The following LYN variants were observed in gnomAD, a reference collection of about 807,000 sequenced individuals.
The protein encoded by LYN is LYN proto-oncogene, Src family tyrosine kinase, also known as tyrosine-protein kinase Lyn.
Under a neutral mutation model 65.0 loss-of-function variants are expected in LYN, and 12 were observed. The observed-to-expected ratio is 0.18, with a 90% CI of 0.12 to 0.30. LYN has a LOEUF of 0.30. Ranked by LOEUF, LYN falls within the 10% of genes least tolerant of loss-of-function variation. The pLI is 1.00. For synonymous variants in LYN, 222 were observed against 221.2 expected, an observed-to-expected ratio of 1.00 and a Z score of -0.03; for missense variants, 380 against 623.2, an observed-to-expected ratio of 0.61 and a Z score of 4.16.
intron 4 of LYN, among the ~76,000 whole-genome samples, chr8:55,948,550 T>C (rs1335388362): frequency 1.3e-5 from 2 of 152,206 alleles, no homozygotes; most frequent in East Asian, 1.9e-4. Flanking sequence ...TGTCAGACCA[T>C]AGGCATGCAG....
At chr8:55,917,788 T>C (rs1265863862) in intron 1 of LYN, among the ~76,000 whole-genome samples, 1 of 152,180 alleles carries the variant, frequency 6.6e-6, no homozygotes, top group Non-Finnish European at 1.5e-5. Context: ...CCTGAAAAAA[T>C]TAAGGAATAT....
At chr8:55,949,000 G>T (rs1415197917) in intron 4 of LYN, among the ~76,000 whole-genome samples, 1 of 152,140 alleles carries the variant, frequency 6.6e-6, no homozygotes, top group African/African-American at 2.4e-5. Context: ...GGCTCAAAGG[G>T]ACCCATTCCT....
chr8:55,991,262 G>T (rs1366696165), intron 10 of LYN, among the ~76,000 whole-genome samples: 1 of 152,202 alleles, frequency 6.6e-6, no homozygotes, highest in Admixed American at 6.6e-5. Flanking sequence ...CACCAGCAGT[G>T]GGGGAGAAAG....
intron 1 of LYN, among the ~76,000 whole-genome samples, chr8:55,929,492 CTT>C (rs1806199944): frequency 6.6e-6 from 1 of 152,280 alleles, no homozygotes; most frequent in South Asian, 2.1e-4. Context: ...GGATATTAAA[CTT>C]AACATTCATG....
chr8:55,995,292 C>G (rs148761348), intron 10 of LYN, among the ~76,000 whole-genome samples: 1 of 152,326 alleles, frequency 6.6e-6, no homozygotes, highest in East Asian at 1.9e-4. Flanking sequence ...CCCATCAAGG[C>G]TGTTTGAATC....
chr8:55,973,944 C>G (rs1167981937), intron 10 of LYN, among the ~76,000 whole-genome samples: 2 of 152,296 alleles, frequency 1.3e-5, no homozygotes, highest in African/African-American at 2.4e-5. Context: ...AAACAAAAAA[C>G]TTGCAAAATC....
At chr8:55,890,051 T>C (rs1187430788) in intron 1 of LYN, among the ~76,000 whole-genome samples, 2 of 134,378 alleles carry the variant, frequency 1.5e-5, no homozygotes, top group African/African-American at 5.6e-5. Flanking sequence ...CTGAGACAGG[T>C]GGATTGCTTG....
In LYN at chr8:55,911,180, T is replaced by TATAC. The variant is rs1554576209; in HGVS notation, c.-5-30672_-5-30671insCATA. Among the ~76,000 whole-genome samples the TATAC allele has an allele frequency of 2.0e-3, 45 of 22,314 alleles. 7 individuals carry two copies. The highest frequency in any genetic ancestry group is 3.7e-3 in the African/African-American group (35 of 9,558). The allele number at this position is 22,314 out of a possible 152,430, so 14.6% of individuals were successfully genotyped here. ...ATGTACATATATATACACGTATATA[T>TATAC]ATATATATACACACACACATATATA... On this transcript the variant is annotated intron_variant, in intron 1 of 12. Transcript: ENST00000519728.
At chr8:55,945,247 G>A (rs1047675385) in intron 2 of LYN, among the ~76,000 whole-genome samples, 11 of 152,172 alleles carry the variant, frequency 7.2e-5, no homozygotes, top group African/African-American at 2.4e-4. Context: ...TAAGTTAAGG[G>A]CTTTTTGAAA....
intron 12 of LYN, among the ~76,000 whole-genome samples, chr8:56,005,068 G>T (rs1808636547): frequency 1.3e-5 from 2 of 152,154 alleles, no homozygotes; most frequent in Non-Finnish European, 2.9e-5. Context: ...ATAGGTGTGA[G>T]CCACCACGCC....
At chr8:55,993,854 A>T (rs1389870167) in intron 10 of LYN, among the ~76,000 whole-genome samples, 1 of 152,186 alleles carries the variant, frequency 6.6e-6, no homozygotes, top group Middle Eastern at 3.2e-3. Context: ...ATCAAGCTTG[A>T]CCAACTCCAT....
At chr8:55,961,992 C>A (rs973340873) in intron 8 of LYN, among the ~76,000 whole-genome samples, 4 of 152,120 alleles carry the variant, frequency 2.6e-5, no homozygotes, top group African/African-American at 7.2e-5. Flanking sequence ...ATGCATCCCC[C>A]CAAAATATAG....
At chr8:55,979,764 C>G (rs561504928) in intron 10 of LYN, among the ~76,000 whole-genome samples, 7 of 152,300 alleles carry the variant, frequency 4.6e-5, no homozygotes, top group South Asian at 4.1e-4. Flanking sequence ...GTCTGGGCTC[C>G]TTGGTATGGT....
chr8:55,917,701 C>T (rs10095917), intron 1 of LYN, among the ~76,000 whole-genome samples: 37,983 of 152,108 alleles, frequency 0.25, 5,318 homozygotes, highest in Middle Eastern at 0.39. Flanking sequence ...GTGTCTATTG[C>T]ATAATATGTT....
chr8:55,899,239 G>A (rs1243254596), intron 1 of LYN, among the ~76,000 whole-genome samples: 1 of 152,178 alleles, frequency 6.6e-6, no homozygotes, highest in African/African-American at 2.4e-5. Context: ...CTTAAAAGGT[G>A]TAATATTGAT....
chr8:55,922,498 G>C (rs1331324282), intron 1 of LYN, among the ~76,000 whole-genome samples: 2 of 152,104 alleles, frequency 1.3e-5, no homozygotes, highest in Admixed American at 6.5e-5. Context: ...ACGTAGGCTG[G>C]GTGTGGTGAC....
chr8:55,960,313 G>A (rs968623596), intron 8 of LYN, among the ~76,000 whole-genome samples: 28 of 152,024 alleles, frequency 1.8e-4, no homozygotes, highest in Middle Eastern at 3.2e-3. Context: ...ATTGATCACC[G>A]TTCATTTTTT....
intron 1 of LYN, chr8:55,893,880 C>T (rs7005312): frequency 0.44 from 66,866 of 152,048 alleles, 15,107 homozygotes; most frequent in Middle Eastern, 0.57. Flanking sequence ...ATCACTCACA[C>T]ACTATGGTCC....
intron 2 of LYN, among the ~76,000 whole-genome samples, chr8:55,945,659 T>C (rs1806753966): frequency 6.6e-6 from 1 of 152,182 alleles, no homozygotes. Context: ...TGTGGCACTG[T>C]GAAGAAAAGA....
Sources: allele counts gnomAD v4.1 joint callset (sites outside exome capture counted in the v4.1 genomes callset), GRCh38; gene constraint gnomAD v4.1.1; transcripts MANE v1.5; gene names NCBI Gene and HGNC (gene_info 2026-07-23, HGNC 2026-07-21).